Variants in DOCK1 observed in about 807,000 individuals in gnomAD.
The protein encoded by DOCK1 is dedicator of cytokinesis protein 1.
In DOCK1, 138 loss-of-function variants were observed where a neutral mutation model predicts 262.7. The ratio of observed to expected loss-of-function variants is 0.53; its 90% CI spans 0.46 to 0.61. The LOEUF is 0.61. Ranked by LOEUF, DOCK1 falls within the 20% of genes least tolerant of loss-of-function variation. The pLI is 0.00. For missense variants in DOCK1, 1,908 were observed against 2,370.7 expected (o/e 0.80, Z 4.05); for synonymous variants, 866 against 867.4 (o/e 1.00, Z 0.03).
At chr10:127,341,833 G>T (rs2135746274) in intron 30 of DOCK1, among the ~76,000 whole-genome samples, 1 of 152,286 alleles carries the variant, frequency 6.6e-6, no homozygotes. Context: ...TTTGAGGAGG[G>T]TTTAGCAGGA....
chr10:127,218,559 G>C (rs2058305718), intron 27 of DOCK1, among the ~76,000 whole-genome samples: 1 of 152,120 alleles, frequency 6.6e-6, no homozygotes, highest in Admixed American at 6.5e-5. Flanking sequence ...ATGTTCCCTT[G>C]GAATGACTTC....
At chr10:126,949,079 G>T (rs1344048981) in intron 1 of DOCK1, among the ~76,000 whole-genome samples, 1 of 152,118 alleles carries the variant, frequency 6.6e-6, no homozygotes, top group Admixed American at 6.5e-5. Context: ...TCTGGGAGTG[G>T]TGCACGTTCT....
chr10:126,987,599 C>A lies in DOCK1; in HGVS notation c.306C>A (p.Ile102=). The change falls in exon 5 of 52, where the codon ATC becomes ATA. Residue 102 remains isoleucine, a synonymous_variant. Transcript: ENST00000623213. Reference sequence around the variant, plus strand: ...CGACACTCCGAGAGTGGTCCACCATCTGGAGGCAGCTCTACGTGGTGAGAA... The same window carrying A: ...CGACACTCCGAGAGTGGTCCACCATATGGAGGCAGCTCTACGTGGTGAGAA... ...VTTTLREWST[I]WRQLYVQDNR... 1 of 1,566,658 alleles carries A rather than the reference C, an allele frequency of 6.4e-7. No individual in the cohort carries two copies. Among genetic ancestry groups the A allele is most frequent in the East Asian group, 2.4e-5 (1 of 42,194 alleles).
intron 29 of DOCK1, among the ~76,000 whole-genome samples, chr10:127,320,493 G>A (rs1220448528): frequency 6.6e-6 from 1 of 152,162 alleles, no homozygotes; most frequent in Non-Finnish European, 1.5e-5. Context: ...CGTGCACCAG[G>A]ATGGAGAGCC....
At chr10:127,376,791 T>C (rs2065518787) in intron 35 of DOCK1, among the ~76,000 whole-genome samples, 1 of 152,178 alleles carries the variant, frequency 6.6e-6, no homozygotes, top group South Asian at 2.1e-4. Context: ...TTGAGACTTT[T>C]ATTTGTTTTA....
At chr10:127,071,674 C>T (rs1000954672) in intron 23 of DOCK1, among the ~76,000 whole-genome samples, 1 of 152,102 alleles carries the variant, frequency 6.6e-6, no homozygotes, top group Non-Finnish European at 1.5e-5. Flanking sequence ...AGAACATGTG[C>T]CTGAATTGAT....
intron 29 of DOCK1, among the ~76,000 whole-genome samples, chr10:127,286,742 TTG>T (rs2061167133): frequency 6.6e-6 from 1 of 152,210 alleles, no homozygotes; most frequent in Non-Finnish European, 1.5e-5. Context: ...TTAGAAAATG[TTG>T]TTTTATACAT....
intron 23 of DOCK1, among the ~76,000 whole-genome samples, chr10:127,089,042 C>T (rs996108686): frequency 1.3e-5 from 2 of 152,164 alleles, no homozygotes; most frequent in Admixed American, 6.5e-5. Context: ...GCAGCCATGC[C>T]GCAGCCACCA....
chr10:127,127,165 C>G (rs916737487), intron 26 of DOCK1, among the ~76,000 whole-genome samples: 1 of 152,188 alleles, frequency 6.6e-6, no homozygotes, highest in African/African-American at 2.4e-5. Context: ...AATCAACAAT[C>G]GCATCCCACA....
chr10:127,313,937 G>A (rs74158659), intron 29 of DOCK1, among the ~76,000 whole-genome samples: 6 of 152,142 alleles, frequency 3.9e-5, no homozygotes, highest in Admixed American at 6.5e-5. Flanking sequence ...ATCTCCCTCC[G>A]ATGTGCACAT....
At chr10:127,361,694 A>T (rs1235644011) in intron 32 of DOCK1, among the ~76,000 whole-genome samples, 1 of 152,176 alleles carries the variant, frequency 6.6e-6, no homozygotes, top group African/African-American at 2.4e-5. Flanking sequence ...TTAGAGGCTG[A>T]GACCCCCGAC....
intron 43 of DOCK1, among the ~76,000 whole-genome samples, chr10:127,411,897 C>T (rs912492825): frequency 3.9e-5 from 6 of 152,176 alleles, no homozygotes; most frequent in South Asian, 4.1e-4. Flanking sequence ...TTGCAAACCA[C>T]GGCATTCGAG....
At chr10:127,416,823 C>G (rs1277679031) in intron 44 of DOCK1, among the ~76,000 whole-genome samples, 4 of 152,196 alleles carry the variant, frequency 2.6e-5, no homozygotes, top group South Asian at 4.1e-4. Flanking sequence ...GTCGTAGGGC[C>G]TGGCAAAGTA....
At chr10:127,308,219 T>A (rs1176407009) in intron 29 of DOCK1, among the ~76,000 whole-genome samples, 1 of 152,224 alleles carries the variant, frequency 6.6e-6, no homozygotes, top group African/African-American at 2.4e-5. Context: ...AGTGTCTTCA[T>A]GCCAGGTGGT....
chr10:127,109,809 A>T (rs1279872595), intron 24 of DOCK1, among the ~76,000 whole-genome samples: 1 of 151,982 alleles, frequency 6.6e-6, no homozygotes, highest in East Asian at 1.9e-4. Context: ...ATAATGAACA[A>T]TGCCACTTGG....
At chr10:127,322,661 A>G (rs1590442206) in intron 29 of DOCK1, among the ~76,000 whole-genome samples, 1 of 152,390 alleles carries the variant, frequency 6.6e-6, no homozygotes, top group Non-Finnish European at 1.5e-5. Flanking sequence ...GATGAAAATT[A>G]TATGAATTTA....
At chr10:126,984,972 TTC>T (rs369396761) in intron 4 of DOCK1, among the ~76,000 whole-genome samples, 5 of 125,506 alleles carry the variant, frequency 4.0e-5, no homozygotes, top group East Asian at 5.2e-4. Context: ...CTATGTCCCA[TTC>T]TTTTTTTTTT....
At chr10:127,003,091 T>C (rs2040714457) in intron 10 of DOCK1, among the ~76,000 whole-genome samples, 1 of 139,226 alleles carries the variant, frequency 7.2e-6, no homozygotes, top group Non-Finnish European at 1.7e-5. Context: ...TATGAACCTG[T>C]GTGAACCTGT....
intron 48 of DOCK1, among the ~76,000 whole-genome samples, chr10:127,434,049 G>A (rs995093047): frequency 1.3e-5 from 2 of 151,954 alleles, no homozygotes; most frequent in African/African-American, 4.8e-5. Flanking sequence ...AGGAGCTGGT[G>A]TGGTCTGACC....
Sources: allele counts gnomAD v4.1 joint callset (sites outside exome capture counted in the v4.1 genomes callset), GRCh38; gene constraint gnomAD v4.1.1; transcripts MANE v1.5; gene names NCBI Gene and HGNC (gene_info 2026-07-23, HGNC 2026-07-21).